The following WDSUB1 variants were observed in gnomAD, a reference collection of about 807,000 sequenced individuals.
WDSUB1 encodes WD repeat, SAM and U-box domain-containing protein 1.
Under a neutral mutation model 53.9 loss-of-function variants are expected in WDSUB1, and 49 were observed. The observed-to-expected ratio is 0.91, with a 90% confidence interval of 0.72 to 1.15. The LOEUF (loss-of-function observed/expected upper bound fraction) is 1.15, where lower values mean the gene tolerates loss of function less well. Among genes scored for constraint, WDSUB1 ranks in the 50% most tolerant of loss-of-function variants. The probability of loss-of-function intolerance (pLI) is 0.00; values close to 1 mark genes in which losing one functional copy is unlikely to be tolerated. For missense variants in WDSUB1, 514 were observed against 562.0 expected (o/e 0.91, Z 0.86); for synonymous variants, 194 against 200.6 (o/e 0.97, Z 0.28).
At position 159,282,843 on chromosome 2, in the gene WDSUB1, C is replaced by G. The variant is rs957643633; in HGVS notation, c.227G>C (p.Gly76Ala). Residue 76 changes from glycine (G) to alanine (A), a missense_variant, in exon 2 of 11, where the codon GGT becomes GCT. By Grantham distance (60) the Gly-to-Ala change is moderately conservative. Coordinates refer to ENST00000359774, the MANE Select transcript of WDSUB1 (RefSeq NM_001128212.3). ...TTCAGTATTCCATAGGACAGTGGTA[C>G]CATCTGTTGAACACGATGCCAAAAT... ...GHILASCSTD[G>A]TTVLWNTENG... The G allele has an allele frequency of 1.2e-6, 2 of 1,614,144 alleles. No individual in the cohort carries two copies. Among genetic ancestry groups the G allele is most frequent in the Non-Finnish European group, 1.7e-6 (2 of 1,180,040 alleles).
At chr2:159,257,050 G>C (rs1187005836) in intron 8 of WDSUB1, among the ~76,000 whole-genome samples, 1 of 152,132 alleles carries the variant, frequency 6.6e-6, no homozygotes, top group African/African-American at 2.4e-5. Flanking sequence ...CCAGGCTGAA[G>C]TACAGTGGCG....
At chr2:159,256,156 A>T (rs1030614249) in intron 9 of WDSUB1, 40 bp downstream of exon 9, 5 of 1,556,526 alleles carry the variant, frequency 3.2e-6, no homozygotes, top group Non-Finnish European at 4.3e-6. Context: ...TAATTTGGTA[A>T]AAGTTGTTTT....
intron 4 of WDSUB1, among the ~76,000 whole-genome samples, chr2:159,272,466 C>A (rs1209526784): frequency 6.6e-6 from 1 of 152,138 alleles, no homozygotes; most frequent in Non-Finnish European, 1.5e-5. Flanking sequence ...TCAAATTATG[C>A]TGGCAAGCAG....
In WDSUB1 at chr2:159,276,913, G is replaced by A. The variant is rs551592322; in HGVS notation, c.584-1275C>T. ...GTAGCTACTTAGGAGGCCGAGGCAGGGGATCTCCTTGAGCCCAGGAGTTTG... is the reference window on the plus strand; with the variant it reads ...GTAGCTACTTAGGAGGCCGAGGCAGAGGATCTCCTTGAGCCCAGGAGTTTG... On this transcript the variant is annotated intron_variant, in intron 3 of 10. Transcript: ENST00000359774. 7.2e-5 allele frequency among the ~76,000 whole-genome samples: 11 copies of A among 152,220 alleles called. No homozygotes were observed. The South Asian group carries it at 2.3e-3, about 32-fold the overall frequency.
At chr2:159,261,886 ATATATATATATTTTTTTTTTTT>A (rs2061224827) in intron 5 of WDSUB1, among the ~76,000 whole-genome samples, 2 of 15,352 alleles carry the variant, frequency 1.3e-4, no homozygotes, top group Non-Finnish European at 2.0e-4. Context: ...ATATATATAT[ATATATATATATTTTTTTTTTTT>A]TTTTTTTTTT....
At chr2:159,269,303 T>C (rs1203289152) in intron 5 of WDSUB1, among the ~76,000 whole-genome samples, 4 of 151,904 alleles carry the variant, frequency 2.6e-5, no homozygotes, top group Non-Finnish European at 5.9e-5. Flanking sequence ...CCTGAGTAGC[T>C]GGAATTACAG....
intron 2 of WDSUB1, among the ~76,000 whole-genome samples, chr2:159,280,690 C>CAAAAAAAAAAAAAAAA (rs58584838): frequency 3.4e-5 from 2 of 59,584 alleles, no homozygotes; most frequent in African/African-American, 2.0e-4. Context: ...GACTCCGTCT[C>CAAAAAAAAAAAAAAAA]AAAAAAAAAA....
chr2:159,253,504 A>G (rs922474027), intron 9 of WDSUB1, among the ~76,000 whole-genome samples: 3 of 152,226 alleles, frequency 2.0e-5, no homozygotes, highest in Non-Finnish European at 4.4e-5. Flanking sequence ...AAACTGCTCA[A>G]TTCCTTAAAA....
chr2:159,276,928 C>T (rs182870568), intron 3 of WDSUB1, among the ~76,000 whole-genome samples: 297 of 152,152 alleles, frequency 2.0e-3, no homozygotes, highest in Middle Eastern at 6.8e-3. Context: ...CTCCTTGAGC[C>T]CAGGAGTTTG....
At chr2:159,260,756 T>A (rs1457366356) in intron 5 of WDSUB1, among the ~76,000 whole-genome samples, 1 of 152,226 alleles carries the variant, frequency 6.6e-6, no homozygotes, top group Non-Finnish European at 1.5e-5. Flanking sequence ...TATGCCTCTA[T>A]CTGGCATTTC....
intron 10 of WDSUB1, among the ~76,000 whole-genome samples, chr2:159,245,062 G>C (rs928362127): frequency 5.9e-5 from 9 of 152,182 alleles, no homozygotes; most frequent in Non-Finnish European, 5.9e-5. Context: ...TCATGGATTA[G>C]AGCAGTTCAA....
chr2:159,241,162 A>G (rs183465634), intron 10 of WDSUB1, among the ~76,000 whole-genome samples: 30 of 152,348 alleles, frequency 2.0e-4, no homozygotes, highest in Non-Finnish European at 3.8e-4. Flanking sequence ...AGGTTTTTAT[A>G]TGTTCAGAAT....
intron 5 of WDSUB1, among the ~76,000 whole-genome samples, chr2:159,264,321 CAGGACTGTT>C (rs1380759733): frequency 2.0e-5 from 3 of 152,168 alleles, no homozygotes; most frequent in Non-Finnish European, 4.4e-5. Context: ...ACTTGTTCAA[CAGGACTGTT>C]AGCAATATTG....
intron 10 of WDSUB1, among the ~76,000 whole-genome samples, chr2:159,244,502 G>C (rs370624570): frequency 6.6e-6 from 1 of 152,266 alleles, no homozygotes. Flanking sequence ...GGTGTGTAGA[G>C]AGCATCCACA....
intron 10 of WDSUB1, among the ~76,000 whole-genome samples, chr2:159,244,366 C>T (rs568968399): frequency 6.7e-6 from 1 of 148,930 alleles, no homozygotes; most frequent in Non-Finnish European, 1.5e-5. Flanking sequence ...TCTGCATCCA[C>T]TGATTCAACT....
chr2:159,249,765 A>G (rs182639466), intron 9 of WDSUB1, among the ~76,000 whole-genome samples: 37 of 152,008 alleles, frequency 2.4e-4, no homozygotes, highest in Middle Eastern at 3.4e-3. Flanking sequence ...CATGAAACTT[A>G]CTTAAGAGGG....
At position 159,248,450 on chromosome 2, in the gene WDSUB1, A is replaced by T. The variant is rs369480601; in HGVS notation, c.1195T>A (p.Ser399Thr). 44 of 1,604,242 alleles carry T rather than the reference A, an allele frequency of 2.7e-5. No individual in the cohort carries two copies. Among genetic ancestry groups the T allele is most frequent in the Non-Finnish European group, 3.2e-5 (38 of 1,176,764 alleles). ...TCATCAGGAATTCCTGAAGAAAGGG[A>T]TTTAACCTTGGTCCTGAGCTCTTCA... ...KIEELRTKVK[S>T]LSSGIPDEFI... Residue 399 changes from serine to threonine, a missense_variant, in exon 10 of 11, where the codon TCC (serine) becomes ACC (threonine). By Grantham distance (58) the Ser-to-Thr change is moderately conservative. Transcript: ENST00000359774.
At chr2:159,247,912 T>TATATATAA (rs2060847674) in intron 10 of WDSUB1, among the ~76,000 whole-genome samples, 6 of 72,222 alleles carry the variant, frequency 8.3e-5, no homozygotes, top group East Asian at 7.6e-4. Context: ...TATATATAAA[T>TATATATAA]ATATATATAT....
intron 6 of WDSUB1, 151 bp downstream of exon 6, chr2:159,259,659 G>A (rs1425480651): frequency 2.4e-6 from 2 of 826,872 alleles, no homozygotes; most frequent in African/African-American, 1.8e-5. Context: ...TATCTTACTT[G>A]CGTAACTATT....
Sources: gnomAD v4.1 joint callset for allele counts (sites outside exome capture counted in the v4.1 genomes callset) on GRCh38, gnomAD v4.1.1 for gene constraint, MANE v1.5 for transcripts, NCBI Gene and HGNC (gene_info 2026-07-23, HGNC 2026-07-21) for gene names.